GAS2: variants seen among roughly 807,000 people sequenced by gnomAD.
The protein encoded by GAS2 is growth arrest-specific protein 2.
In GAS2, 20 loss-of-function variants were observed where a neutral mutation model predicts 37.5. The observed-to-expected ratio is 0.53, with a 90% CI of 0.37 to 0.77. The LOEUF is 0.77. Among genes scored for constraint, GAS2 ranks in the 30% least tolerant of loss-of-function variants. The probability of loss-of-function intolerance (pLI) is 0.00; values close to 1 mark genes in which losing one functional copy is unlikely to be tolerated. For missense variants in GAS2, 336 were observed against 373.4 expected (o/e 0.90, Z 0.82); for synonymous variants, 144 against 132.2 (o/e 1.09, Z -0.61).
chr11:22,744,608 TA>T (rs202147050), intron 5 of GAS2, among the ~76,000 whole-genome samples: 20 of 151,580 alleles, frequency 1.3e-4, no homozygotes, highest in African/African-American at 4.4e-4. Context: ...CCCTTCATGA[TA>T]AAAAAAACCC....
At chr11:22,644,117 G>A (rs1177980742) in intron 1 of GAS2, among the ~76,000 whole-genome samples, 4 of 152,032 alleles carry the variant, frequency 2.6e-5, no homozygotes, top group Admixed American at 2.6e-4. Flanking sequence ...TCCTTTAAAG[G>A]ATAATAGATG....
chr11:22,692,899 G>A (rs1297171595), intron 3 of GAS2, among the ~76,000 whole-genome samples: 2 of 152,058 alleles, frequency 1.3e-5, no homozygotes, highest in Admixed American at 6.6e-5. Flanking sequence ...ACAAGAACAA[G>A]CGAGGAACAT....
chr11:22,700,903 G>C (rs964443996), intron 3 of GAS2, among the ~76,000 whole-genome samples: 1 of 152,050 alleles, frequency 6.6e-6, no homozygotes, highest in East Asian at 1.9e-4. Context: ...TGTGTCTTTC[G>C]ATTACTAGAG....
At chr11:22,691,023 T>TG (rs1850223350) in intron 3 of GAS2, among the ~76,000 whole-genome samples, 1 of 152,168 alleles carries the variant, frequency 6.6e-6, no homozygotes, top group Non-Finnish European at 1.5e-5. Context: ...TTTGAGTCTC[T>TG]TCTTCAGACA....
chr11:22,776,425 A>C (rs1190662248), intron 7 of GAS2, among the ~76,000 whole-genome samples: 1 of 152,208 alleles, frequency 6.6e-6, no homozygotes, highest in African/African-American at 2.4e-5. Flanking sequence ...TAAATAAGGA[A>C]GTTCATCTTA....
At chr11:22,662,954 A>G (rs921195236), upstream of GAS2, among the ~76,000 whole-genome samples, 1 of 152,218 alleles carries the variant, frequency 6.6e-6, no homozygotes, top group Non-Finnish European at 1.5e-5. Flanking sequence ...ACTGTGCTAT[A>G]AAGAACTACC....
chr11:22,675,319 C>G (rs1243886622), intron 2 of GAS2, among the ~76,000 whole-genome samples: 1 of 152,142 alleles, frequency 6.6e-6, no homozygotes, highest in African/African-American at 2.4e-5. Context: ...ATGCAGCTGA[C>G]CAATTTGACC....
upstream of GAS2, among the ~76,000 whole-genome samples, chr11:22,661,881 T>C (rs951157575): frequency 2.0e-5 from 3 of 152,184 alleles, no homozygotes; most frequent in African/African-American, 7.2e-5. Flanking sequence ...CTGTAGGTCA[T>C]AAAACAAATT....
In GAS2 at chr11:22,760,008, A is replaced by AGT. The variant is rs1204109239; in HGVS notation, c.723+4056_723+4057dup. On this transcript the variant is annotated intron_variant, in intron 7 of 7. Coordinates refer to ENST00000454584, the MANE Select transcript of GAS2 (RefSeq NM_001143830.3). Reference sequence around the variant, plus strand: ...GGCTATGTTCTACCTAAGTACTCCAAGTTGGAGTGCAGTGCTGCGGCTCAC... The same window carrying AGT: ...GGCTATGTTCTACCTAAGTACTCCAAGTGTTGGAGTGCAGTGCTGCGGCTCAC... Among the ~76,000 whole-genome samples, 325 of 152,288 alleles carry AGT rather than the reference A, an allele frequency of 2.1e-3. 9 individuals carry two copies. The East Asian group carries it at 0.051, about 24-fold the overall frequency.
At chr11:22,749,093 A>T (rs1853577254) in intron 5 of GAS2, 27 bp from the exon 6 acceptor site, 3 of 1,590,744 alleles carry the variant, frequency 1.9e-6, no homozygotes, top group South Asian at 2.3e-5. Flanking sequence ...AGTTATGCAT[A>T]TGTAATGATC....
chr11:22,761,334 G>GC (rs1317772772), intron 7 of GAS2, among the ~76,000 whole-genome samples: 1 of 152,114 alleles, frequency 6.6e-6, no homozygotes, highest in Non-Finnish European at 1.5e-5. Context: ...GATGCAGACA[G>GC]CCCCAGTGAA....
At chr11:22,717,918 G>A (rs148629923) in intron 3 of GAS2, among the ~76,000 whole-genome samples, 1 of 152,132 alleles carries the variant, frequency 6.6e-6, no homozygotes, top group East Asian at 1.9e-4. Context: ...AAACCACAAT[G>A]TGATACCACC....
At chr11:22,664,111 G>T (rs1326394660), upstream of GAS2, among the ~76,000 whole-genome samples, 4 of 152,036 alleles carry the variant, frequency 2.6e-5, no homozygotes, top group African/African-American at 9.7e-5. Context: ...CTTTGAAGCT[G>T]TTTAGGAATA....
At chr11:22,690,967 A>G (rs1850219935) in intron 3 of GAS2, among the ~76,000 whole-genome samples, 2 of 152,142 alleles carry the variant, frequency 1.3e-5, no homozygotes. Context: ...CAAAAGGTTT[A>G]ACCTCTCTTT....
intron 1 of GAS2, among the ~76,000 whole-genome samples, chr11:22,651,639 A>T (rs1356182232): frequency 6.6e-6 from 1 of 151,800 alleles, no homozygotes; most frequent in African/African-American, 2.4e-5. Flanking sequence ...TTTTTCTCTA[A>T]ACTTCCCTTC....
At chr11:22,655,503 A>G (rs957090169) in intron 1 of GAS2, among the ~76,000 whole-genome samples, 1 of 152,248 alleles carries the variant, frequency 6.6e-6, no homozygotes, top group African/African-American at 2.4e-5. Flanking sequence ...CTCTTCACTG[A>G]TTCAAAAATT....
intron 1 of GAS2, among the ~76,000 whole-genome samples, chr11:22,638,764 C>A (rs756129008): frequency 6.6e-6 from 1 of 152,114 alleles, no homozygotes; most frequent in Non-Finnish European, 1.5e-5. Context: ...CAAGGACATG[C>A]ACACCAATTA....
In GAS2 at chr11:22,768,638, T is replaced by A. The variant is rs140254183; in HGVS notation, c.723+12685T>A. 3.2e-4 allele frequency among the ~76,000 whole-genome samples: 49 copies of A among 152,308 alleles called. 1 individual carries two copies. In the East Asian group the frequency reaches 8.9e-3, roughly 28 times the overall value. ...CCTTGTAATGGGCTTTCTGACCTTT[T>A]GTTGTTGTTGCTAAACCAAACTATC... is the stretch of plus-strand genomic sequence containing the variant. On this transcript the variant is annotated intron_variant, in intron 7 of 7. Transcript: ENST00000454584.
intron 2 of GAS2, among the ~76,000 whole-genome samples, chr11:22,683,634 A>G (rs1001976850): frequency 6.6e-6 from 1 of 151,126 alleles, no homozygotes; most frequent in Non-Finnish European, 1.5e-5. Flanking sequence ...ATAAGCCTTG[A>G]GCATCTTGGT....
Sources: allele counts gnomAD v4.1 joint callset (sites outside exome capture counted in the v4.1 genomes callset), GRCh38; gene constraint gnomAD v4.1.1; transcripts MANE v1.5; gene names NCBI Gene and HGNC (gene_info 2026-07-23, HGNC 2026-07-21).